The following BMERB1 variants were observed in gnomAD, a reference collection of about 807,000 sequenced individuals.
The protein encoded by BMERB1 is bMERB domain containing 1.
BMERB1 carries 12 observed loss-of-function variants against 23.6 expected under a neutral mutation model. The ratio of observed to expected loss-of-function variants is 0.51; its 90% CI spans 0.33 to 0.82. BMERB1 has a LOEUF of 0.82. Among genes scored for constraint, BMERB1 ranks in the 40% least tolerant of loss-of-function variants. BMERB1 has a pLI of 0.03. For synonymous variants in BMERB1, 122 were observed against 96.6 expected (o/e 1.26, Z -1.54); for missense variants, 247 against 255.4 (o/e 0.97, Z 0.22).
chr16:15,476,564 G>A (rs2051276611), intron 1 of BMERB1, among the ~76,000 whole-genome samples: 1 of 152,214 alleles, frequency 6.6e-6, no homozygotes, highest in African/African-American at 2.4e-5. Context: ...GGCCTGGCTG[G>A]CCATGACTTG....
intron 1 of BMERB1, among the ~76,000 whole-genome samples, chr16:15,446,552 A>G (rs1439574686): frequency 6.6e-6 from 1 of 152,224 alleles, no homozygotes; most frequent in Non-Finnish European, 1.5e-5. Flanking sequence ...TTCTATTTAC[A>G]GAGGAGCAAA....
rs2031164459 is a variant in BMERB1, at chr16:15,586,997, A to G, written c.*168A>G. ...CGGCAGGCGGGCCTGGCCACCCTGT[A>G]CAGAGTGTAGCAGTAGGGAGTCTCT... On this transcript the variant is annotated 3_prime_UTR_variant, in exon 6 of 6. Transcript: ENST00000300006. The G allele has an allele frequency of 1.7e-6, 1 of 597,988 alleles. No homozygotes were observed. Among genetic ancestry groups the G allele is most frequent in the Non-Finnish European group, 3.0e-6 (1 of 335,882 alleles). 37.0% of individuals were successfully genotyped at this position (597,988 alleles called of 1,614,324 possible).
chr16:15,445,782 C>G (rs1264145506), intron 1 of BMERB1, among the ~76,000 whole-genome samples: 1 of 152,064 alleles, frequency 6.6e-6, no homozygotes, highest in Non-Finnish European at 1.5e-5. Context: ...GGGTATTTAC[C>G]CAACAGAAAT....
intron 1 of BMERB1, chr16:15,447,960 G>GCTCA (rs1452261762): frequency 2.2e-6 from 1 of 454,296 alleles, no homozygotes; most frequent in Non-Finnish European, 4.4e-6. Flanking sequence ...CGTGATCACG[G>GCTCA]CTCACTTCAA....
chr16:15,449,731 A>C (rs1212145836), intron 1 of BMERB1, among the ~76,000 whole-genome samples: 1 of 151,916 alleles, frequency 6.6e-6, no homozygotes, highest in Non-Finnish European at 1.5e-5. Flanking sequence ...TTTTTACTAG[A>C]GACAAGCTTT....
rs768328780 is a variant in BMERB1 at position 15,434,631 on chromosome 16, C to T, written c.-23C>T. 5 of 1,600,406 alleles carry T rather than the reference C, an allele frequency of 3.1e-6. No individual in the cohort carries two copies. The highest frequency in any genetic ancestry group is 1.6e-4 in the Middle Eastern group (1 of 6,066). ...GGGAATGGAGTAAAGGGAGACCCGT[C>T]GACCTGGCCACGGGGATCAGCGATG... On this transcript the variant is annotated 5_prime_UTR_variant, in exon 1 of 6. Coordinates refer to ENST00000300006, the MANE Select transcript of BMERB1 (RefSeq NM_033201.3).
chr16:15,550,306 C>T (rs2030048670), intron 2 of BMERB1, among the ~76,000 whole-genome samples: 1 of 151,156 alleles, frequency 6.6e-6, no homozygotes, highest in African/African-American at 2.4e-5. Flanking sequence ...GGACTGAAAC[C>T]ATTCCCTGCC....
chr16:15,560,751 C>T (rs918700163), intron 2 of BMERB1, among the ~76,000 whole-genome samples: 7 of 151,260 alleles, frequency 4.6e-5, no homozygotes, highest in African/African-American at 1.7e-4. Flanking sequence ...TGAGATTGTG[C>T]CACTGCATTC....
intron 1 of BMERB1, among the ~76,000 whole-genome samples, chr16:15,469,885 G>T (rs1040400055): frequency 1.3e-5 from 2 of 152,072 alleles, no homozygotes; most frequent in African/African-American, 4.8e-5. Context: ...TAGTTTTTTG[G>T]TAAGTTATTG....
rs749430245 is a variant in BMERB1 at position 15,586,829 on chromosome 16, G to GC, written c.*5dup. 3 of 1,594,948 alleles carry GC rather than the reference G, an allele frequency of 1.9e-6. No individual in the cohort carries two copies. The highest frequency in any genetic ancestry group is 1.3e-5 in the African/African-American group (1 of 74,536). On this transcript the variant is annotated 3_prime_UTR_variant, in exon 6 of 6. Coordinates refer to ENST00000300006, the MANE Select transcript of BMERB1 (RefSeq NM_033201.3). ...GGGCCACCCAGTGCAACATCATGTA[G>GC]CCCCCACGTGGGGTGCCCTGGGCCA...
At chr16:15,480,704 C>T (rs184223723) in intron 1 of BMERB1, among the ~76,000 whole-genome samples, 1 of 150,356 alleles carries the variant, frequency 6.7e-6, no homozygotes, top group East Asian at 2.0e-4. Context: ...ACCTCCGTCT[C>T]CCAGGTTCAA....
intron 1 of BMERB1, among the ~76,000 whole-genome samples, chr16:15,476,619 C>T (rs1277103040): frequency 3.3e-5 from 5 of 152,198 alleles, no homozygotes; most frequent in Middle Eastern, 3.2e-3. Context: ...ATGGAGACTC[C>T]GGCTCTGCCG....
At chr16:15,507,156 G>T (rs1010847553) in intron 1 of BMERB1, among the ~76,000 whole-genome samples, 3 of 152,178 alleles carry the variant, frequency 2.0e-5, no homozygotes, top group Non-Finnish European at 4.4e-5. Flanking sequence ...GAAAAGATGG[G>T]CTAGGAAAGG....
intron 3 of BMERB1, among the ~76,000 whole-genome samples, chr16:15,570,724 T>C (rs2030704133): frequency 6.6e-6 from 1 of 150,862 alleles, no homozygotes; most frequent in Non-Finnish European, 1.5e-5. Context: ...GGCTCCTCGA[T>C]TGATTGTACT....
In BMERB1 at chr16:15,445,441, G is replaced by A. The variant is rs552239563; in HGVS notation, c.106+10682G>A. 4.6e-5 allele frequency among the ~76,000 whole-genome samples: 7 copies of A among 152,306 alleles called. No individual in the cohort carries two copies. The South Asian group carries it at 1.4e-3, about 32-fold the overall frequency. The stretch of plus-strand genomic sequence containing the variant: ...TAAGTAGGGGGCTGGCAGCAGGGTA[G>A]CTAATGGAGCAAAGAGGAGGGGCTT... On this transcript the variant is annotated intron_variant, in intron 1 of 5. Transcript: ENST00000300006.
At chr16:15,512,878 CAAA>C (rs34739697) in intron 1 of BMERB1, among the ~76,000 whole-genome samples, 1 of 130,908 alleles carries the variant, frequency 7.6e-6, no homozygotes, top group Non-Finnish European at 1.7e-5. Context: ...TACTCCGTCT[CAAA>C]AAAAAAAAAG....
chr16:15,484,990 T>A lies in BMERB1; in HGVS notation c.107-30315T>A, dbSNP rs150623044. On this transcript the variant is annotated intron_variant, in intron 1 of 5. Transcript: ENST00000300006. The stretch of plus-strand genomic sequence containing the variant: ...TTTTTCTGCATCTACTTGTGTTGGC[T>A]TCACTCTCGGGCAGATGCTTTCCAT... 3.9e-5 allele frequency among the ~76,000 whole-genome samples: 6 copies of A among 152,328 alleles called. No individual in the cohort carries two copies. The East Asian group carries it at 1.2e-3, about 29-fold the overall frequency.
intron 1 of BMERB1, among the ~76,000 whole-genome samples, chr16:15,470,540 T>G (rs949103676): frequency 2.0e-5 from 3 of 151,982 alleles, no homozygotes; most frequent in African/African-American, 7.2e-5. Flanking sequence ...TTTCTTTTTT[T>G]TTTTTAGACA....
chr16:15,446,013 G>A (rs1049854691), intron 1 of BMERB1, among the ~76,000 whole-genome samples: 18 of 152,308 alleles, frequency 1.2e-4, no homozygotes, highest in African/African-American at 3.4e-4. Flanking sequence ...CATACTGTAT[G>A]AGTCCGCTGA....
Sources: gnomAD v4.1 joint callset for allele counts (sites outside exome capture counted in the v4.1 genomes callset) on GRCh38, gnomAD v4.1.1 for gene constraint, MANE v1.5 for transcripts, NCBI Gene and HGNC (gene_info 2026-07-23, HGNC 2026-07-21) for gene names.